Variants in NIPA2 observed in about 807,000 individuals in gnomAD.
NIPA2 encodes the protein magnesium transporter NIPA2.
In NIPA2, 11 loss-of-function variants were observed where a neutral mutation model predicts 29.7. The ratio of observed to expected loss-of-function variants is 0.37; its 90% confidence interval spans 0.23 to 0.61. The LOEUF is 0.61. NIPA2 is among the 20% of genes least tolerant of loss of function. The probability of loss-of-function intolerance (pLI) is 0.66; values close to 1 mark genes in which losing one functional copy is unlikely to be tolerated. For missense variants in NIPA2, 426 were observed against 437.9 expected, an observed-to-expected ratio of 0.97 and a Z score of 0.24; for synonymous variants, 183 against 161.9, an observed-to-expected ratio of 1.13 and a Z score of -0.99.
In NIPA2 at chr15:22,844,758, CACAACA is replaced by C. The variant is rs200008818; in HGVS notation, c.-215-371_-215-366del. Among the ~76,000 whole-genome samples, 31 of 151,914 alleles carry C rather than the reference CACAACA, an allele frequency of 2.0e-4. No homozygotes were observed. In the East Asian group the frequency reaches 4.1e-3, roughly 20 times the overall value. On this transcript the variant is annotated intron_variant, in intron 2 of 7. Coordinates refer to ENST00000337451, the MANE Select transcript of NIPA2 (RefSeq NM_030922.7). ...AACAGAGTGAGACACTGTCAAAAACCACAACAACAACAACAACAACAAAAAAGCCCT... is the reference window on the plus strand; with the variant it reads ...AACAGAGTGAGACACTGTCAAAAACCACAACAACAACAACAAAAAAGCCCT...
rs746173102 is a variant in NIPA2 at position 22,860,803 on chromosome 15, C to CT, written c.448+16dup. ...TAGGTGATCCAGGTAAGAAAAAAGT[C>CT]TTATTAGTCTTACTGTATTTTACTT... On this transcript the variant is annotated intron_variant, in intron 7 of 7. Transcript: ENST00000337451. 4 of 1,563,468 alleles carry CT rather than the reference C, an allele frequency of 2.6e-6. No homozygotes were observed. The East Asian group carries it at 9.2e-5, about 36-fold the overall frequency.
chr15:22,865,698 C>T (rs1406777317), intron 7 of NIPA2, among the ~76,000 whole-genome samples: 2 of 152,148 alleles, frequency 1.3e-5, no homozygotes, highest in African/African-American at 2.4e-5. Flanking sequence ...GGATTTAATT[C>T]TCCGTATTCA....
rs747082451 is a variant in NIPA2, at chr15:22,860,633, A to G, written c.292A>G (p.Ile98Val). Residue 98 changes from isoleucine to valine, a missense_variant, in exon 7 of 8, where the codon ATT (isoleucine) becomes GTT (valine). Coordinates refer to ENST00000337451, the MANE Select transcript of NIPA2 (RefSeq NM_030922.7). ...LGALSVLVSA[I>V]LSSYFLNERL... ...TTTTTTTCCTCCCCATTTTAGTGCCATTCTTTCTTCATACTTTCTCAATGA... is the reference window on the plus strand; with the variant it reads ...TTTTTTTCCTCCCCATTTTAGTGCCGTTCTTTCTTCATACTTTCTCAATGA... 1.9e-6 allele frequency: 3 copies of G among 1,557,530 alleles called. No homozygotes were observed. The highest frequency in any genetic ancestry group is 2.2e-5 in the Admixed American group (1 of 45,072).
intron 5 of NIPA2, 103 bp downstream of exon 5, chr15:22,853,371 A>AAT: frequency 3.0e-6 from 2 of 672,568 alleles, no homozygotes; most frequent in Non-Finnish European, 4.8e-6. Flanking sequence ...AGGTTTAAAT[A>AAT]ATCTTTTTTT....
intron 5 of NIPA2, among the ~76,000 whole-genome samples, chr15:22,857,530 A>G (rs1189550456): frequency 6.6e-6 from 1 of 150,890 alleles, no homozygotes; most frequent in Non-Finnish European, 1.5e-5. Flanking sequence ...GGTGTATAGC[A>G]TGATTTGCAT....
intron 3 of NIPA2, among the ~76,000 whole-genome samples, chr15:22,849,336 C>T (rs974875250): frequency 6.6e-6 from 1 of 152,064 alleles, no homozygotes; most frequent in Non-Finnish European, 1.5e-5. Context: ...ATCACACCTC[C>T]AGCTGGAAGC....
At chr15:22,863,381 G>C (rs760996733) in intron 7 of NIPA2, among the ~76,000 whole-genome samples, 5 of 152,014 alleles carry the variant, frequency 3.3e-5, no homozygotes, top group Admixed American at 1.3e-4. Context: ...ACCACACCTG[G>C]CTCAGTTTGC....
intron 7 of NIPA2, among the ~76,000 whole-genome samples, chr15:22,861,755 T>C (rs576647261): frequency 2.0e-5 from 3 of 152,084 alleles, no homozygotes; most frequent in Non-Finnish European, 4.4e-5. Context: ...TTCATTTTAT[T>C]TTGAGACAGG....
chr15:22,841,497 G>T (rs764269858), intron 2 of NIPA2, among the ~76,000 whole-genome samples: 4 of 152,236 alleles, frequency 2.6e-5, no homozygotes, highest in Admixed American at 6.5e-5. Context: ...GGCCCCACGT[G>T]ATCTGACACT....
At chr15:22,858,292 G>A (rs528623769) in intron 5 of NIPA2, among the ~76,000 whole-genome samples, 4 of 152,176 alleles carry the variant, frequency 2.6e-5, no homozygotes, top group Admixed American at 2.0e-4. Context: ...TACTTGGGAG[G>A]CTGAGGCAGG....
intron 4 of NIPA2, among the ~76,000 whole-genome samples, chr15:22,852,078 C>T (rs1031567638): frequency 2.0e-5 from 3 of 152,158 alleles, no homozygotes; most frequent in Non-Finnish European, 4.4e-5. Flanking sequence ...CTACTCAGTC[C>T]TGCAGTTATC....
At chr15:22,865,624 G>C (rs973814992) in intron 7 of NIPA2, among the ~76,000 whole-genome samples, 1 of 152,092 alleles carries the variant, frequency 6.6e-6, no homozygotes, top group Admixed American at 6.5e-5. Flanking sequence ...GGGTAGTTGA[G>C]TGCGAATTGC....
At chr15:22,860,427 G>A (rs1272938297) in intron 6 of NIPA2, among the ~76,000 whole-genome samples, 2 of 152,216 alleles carry the variant, frequency 1.3e-5, no homozygotes, top group African/African-American at 2.4e-5. Context: ...CAGGTGTAGT[G>A]TATGATGAAG....
At chr15:22,860,567 T>G (rs2058549375) in intron 6 of NIPA2, 62 bp from the exon 7 acceptor site, 5 of 1,050,192 alleles carry the variant, frequency 4.8e-6, no homozygotes, top group South Asian at 1.7e-5. Flanking sequence ...CGAGTTTTAT[T>G]GATATTTGAA....
At chr15:22,848,248 C>G (rs576752785) in intron 3 of NIPA2, among the ~76,000 whole-genome samples, 126 of 152,070 alleles carry the variant, frequency 8.3e-4, no homozygotes, top group Non-Finnish European at 1.6e-3. Flanking sequence ...AACCATTTTC[C>G]TTGCATTTTC....
chr15:22,866,390 G>T lies in NIPA2; in HGVS notation c.626G>T (p.Gly209Val). 1 of 1,614,086 alleles carries T rather than the reference G, an allele frequency of 6.2e-7. No individual in the cohort carries two copies. The highest frequency in any genetic ancestry group is 8.5e-7 in the Non-Finnish European group (1 of 1,179,992). The change falls in exon 8 of 8, where the codon GGG becomes GTG. Residue 209 changes from glycine to valine, a missense_variant. Physicochemically the swap from Gly to Val is moderately radical, Grantham distance 109. Around this residue, in one of 3 missense-constraint regions of NIPA2, gnomAD observed 357 missense variants for 339.8 expected, o/e 1.05. Transcript: ENST00000337451. ...ATTGCTATCAAGGAGCTGTTTGCAG[G>T]GAAGCCTGTGCTGCGGCATCCCCTG... is the stretch of plus-strand genomic sequence containing the variant. ...LGIAIKELFA[G>V]KPVLRHPLAW...
At chr15:22,854,429 A>T (rs2058032994) in intron 5 of NIPA2, among the ~76,000 whole-genome samples, 1 of 146,984 alleles carries the variant, frequency 6.8e-6, no homozygotes, top group African/African-American at 2.5e-5. Flanking sequence ...CTGGCCTCTT[A>T]GTTATTTTTA....
Position 22,867,713 on chromosome 15 carries a change from TGA to T in NIPA2, c.*867_*868del, listed in dbSNP as rs2059212243. ...TTTAGCTCATGTTATAATAAAAAGT[TGA>T]AATGAAGTTCTTATTCTAAAAGTCT... On this transcript the variant is annotated 3_prime_UTR_variant, in exon 8 of 8. Transcript: ENST00000337451. The T allele has an allele frequency of 6.6e-6, 1 of 152,180 alleles. No homozygotes were observed. The highest frequency in any genetic ancestry group is 1.5e-5 in the Non-Finnish European group (1 of 68,102). 9.4% of individuals were successfully genotyped at this position (152,180 alleles called of 1,614,324 possible).
At position 22,853,906 on chromosome 15, in the gene NIPA2, C is replaced by T. The variant is rs945592602; in HGVS notation, c.196+638C>T. 2.0e-5 allele frequency among the ~76,000 whole-genome samples: 3 copies of T among 152,122 alleles called. No homozygotes were observed. In the East Asian group the frequency reaches 5.8e-4, roughly 29 times the overall value. On this transcript the variant is annotated intron_variant, in intron 5 of 7. Transcript: ENST00000337451. Reference sequence around the variant, plus strand: ...TGCAGTGGCCCATCTCGGCTCACTGCAGCCTTCGCCTCCCGGGTTCAAGCG... The same window carrying T: ...TGCAGTGGCCCATCTCGGCTCACTGTAGCCTTCGCCTCCCGGGTTCAAGCG...
Sources: gnomAD v4.1 joint callset for allele counts (sites outside exome capture counted in the v4.1 genomes callset) on GRCh38, gnomAD v4.1.1 for gene constraint, gnomAD v4.1.1 regional missense constraint, MANE v1.5 for transcripts, NCBI Gene and HGNC (gene_info 2026-07-23, HGNC 2026-07-21) for gene names.